SGPP2: variants seen among roughly 807,000 people sequenced by gnomAD.
SGPP2 encodes the protein sphingosine-1-phosphate phosphatase 2.
Under a neutral mutation model 33.9 loss-of-function variants are expected in SGPP2, and 30 were observed. The observed-to-expected ratio is 0.89, with a 90% confidence interval of 0.66 to 1.20. The LOEUF (loss-of-function observed/expected upper bound fraction) is 1.20, where lower values mean the gene tolerates loss of function less well. Ranked by LOEUF, SGPP2 falls within the 50% of genes most tolerant of loss-of-function variation. The pLI is 0.00. For synonymous variants in SGPP2, 233 were observed against 225.0 expected, an observed-to-expected ratio of 1.04 and a Z score of -0.32; for missense variants, 458 against 532.1, an observed-to-expected ratio of 0.86 and a Z score of 1.37.
At chr2:222,549,667 G>A (rs1414265699) in intron 4 of SGPP2, among the ~76,000 whole-genome samples, 1 of 152,032 alleles carries the variant, frequency 6.6e-6, no homozygotes, top group Admixed American at 6.5e-5. Context: ...AATGAAAATA[G>A]ATTAAAAAAT....
chr2:222,434,973 TATACAC>T (rs1427501226), intron 1 of SGPP2, among the ~76,000 whole-genome samples: 1 of 17,902 alleles, frequency 5.6e-5, no homozygotes, highest in East Asian at 2.1e-3. Context: ...AATGGAGATA[TATACAC>T]ACACACACAC....
chr2:222,526,964 A>G (rs1018650841), intron 4 of SGPP2, among the ~76,000 whole-genome samples: 6 of 152,250 alleles, frequency 3.9e-5, no homozygotes, highest in African/African-American at 1.2e-4. Flanking sequence ...TGTTCTGCAC[A>G]TGTATCTCGG....
In SGPP2 at chr2:222,476,263, C is replaced by A. The variant is rs1697930992; in HGVS notation, c.378+1537C>A. ...CAGGGGTCATAAATTCGAATGTTCTCAGGGGCAGGGGACAGAAATAAAGCA... is the reference window on the plus strand; with the variant it reads ...CAGGGGTCATAAATTCGAATGTTCTAAGGGGCAGGGGACAGAAATAAAGCA... On this transcript the variant is annotated intron_variant, in intron 2 of 4. Transcript: ENST00000321276. The surrounding 1 kb of genome is among the most constrained non-coding windows in gnomAD (Gnocchi z 4.3). Among the ~76,000 whole-genome samples, 2 of 152,074 alleles carry A rather than the reference C, an allele frequency of 1.3e-5. No homozygotes were observed. The highest frequency in any genetic ancestry group is 2.4e-5 in the African/African-American group (1 of 41,404).
At chr2:222,470,874 T>G (rs1242610075) in intron 1 of SGPP2, among the ~76,000 whole-genome samples, 1 of 152,206 alleles carries the variant, frequency 6.6e-6, no homozygotes, top group Non-Finnish European at 1.5e-5. Flanking sequence ...GATTGTATAT[T>G]TGTAAACAGA....
chr2:222,436,844 A>G (rs1697249301), intron 1 of SGPP2, among the ~76,000 whole-genome samples: 1 of 152,202 alleles, frequency 6.6e-6, no homozygotes, highest in African/African-American at 2.4e-5. Flanking sequence ...ACCCAACGGA[A>G]TGGTGCCATA....
chr2:222,467,644 C>T (rs576230303), intron 1 of SGPP2, among the ~76,000 whole-genome samples: 7 of 152,190 alleles, frequency 4.6e-5, no homozygotes, highest in African/African-American at 1.7e-4. Context: ...TCATTTGCTT[C>T]CTTCTAGTCA....
chr2:222,447,278 G>A (rs1697412307), intron 1 of SGPP2, among the ~76,000 whole-genome samples: 1 of 152,176 alleles, frequency 6.6e-6, no homozygotes, highest in African/African-American at 2.4e-5. Flanking sequence ...ACTTCTCACT[G>A]ACAGGACTGA....
At chr2:222,481,541 T>C (rs1192981602) in intron 2 of SGPP2, among the ~76,000 whole-genome samples, 1 of 152,228 alleles carries the variant, frequency 6.6e-6, no homozygotes. Context: ...GTATCATCAA[T>C]AGTGACCTAG....
chr2:222,481,122 G>A lies in SGPP2; in HGVS notation c.378+6396G>A, dbSNP rs377061891. Among the ~76,000 whole-genome samples, 24 of 152,314 alleles carry A rather than the reference G, an allele frequency of 1.6e-4. No homozygotes were observed. In the East Asian group the frequency reaches 3.3e-3, roughly 21 times the overall value. On this transcript the variant is annotated intron_variant, in intron 2 of 4. Coordinates refer to ENST00000321276, the MANE Select transcript of SGPP2 (RefSeq NM_152386.4). The stretch of plus-strand genomic sequence containing the variant: ...TTGGCAGGAGGGAGAGCATCAGGAA[G>A]AATAGCTAATGGATACTGGGCTTAA...
At chr2:222,468,210 C>T (rs924243617) in intron 1 of SGPP2, among the ~76,000 whole-genome samples, 4 of 151,808 alleles carry the variant, frequency 2.6e-5, no homozygotes, top group Admixed American at 2.0e-4. Flanking sequence ...AGGACTGGGG[C>T]GTGGGGCGGT....
At chr2:222,534,276 A>G (rs901529346) in intron 4 of SGPP2, among the ~76,000 whole-genome samples, 1 of 152,220 alleles carries the variant, frequency 6.6e-6, no homozygotes. Context: ...TCCCAAATAT[A>G]TTAAAACTAG....
chr2:222,499,825 C>G (rs1698339731), intron 2 of SGPP2, among the ~76,000 whole-genome samples: 1 of 152,108 alleles, frequency 6.6e-6, no homozygotes, highest in Non-Finnish European at 1.5e-5. Context: ...ATGTAAATGT[C>G]TTCATGTTTA....
chr2:222,441,193 C>T (rs1467829493), intron 1 of SGPP2, among the ~76,000 whole-genome samples: 4 of 152,326 alleles, frequency 2.6e-5, no homozygotes, highest in Middle Eastern at 3.4e-3. Flanking sequence ...GAGGCTGACT[C>T]ATGGTTCAGT....
chr2:222,540,191 A>G (rs1372319975), intron 4 of SGPP2, among the ~76,000 whole-genome samples: 2 of 152,214 alleles, frequency 1.3e-5, no homozygotes, highest in Non-Finnish European at 1.5e-5. Flanking sequence ...ACCAACTGAC[A>G]TATCTTGTGG....
At chr2:222,516,010 T>C (rs1396085456) in intron 2 of SGPP2, among the ~76,000 whole-genome samples, 1 of 152,192 alleles carries the variant, frequency 6.6e-6, no homozygotes, top group Admixed American at 6.5e-5. Flanking sequence ...ATTATGCCAC[T>C]GCACTCTAGC....
At chr2:222,519,729 A>C (rs1267799960) in intron 2 of SGPP2, among the ~76,000 whole-genome samples, 3 of 152,184 alleles carry the variant, frequency 2.0e-5, no homozygotes, top group Non-Finnish European at 4.4e-5. Context: ...TTGTGCGCTC[A>C]ATGTTTAGCT....
intron 1 of SGPP2, among the ~76,000 whole-genome samples, chr2:222,427,401 C>T (rs541743493): frequency 1.1e-4 from 16 of 152,162 alleles, no homozygotes; most frequent in East Asian, 1.9e-4. Flanking sequence ...GCTAAGACTA[C>T]GGATGCATGC....
intron 2 of SGPP2, among the ~76,000 whole-genome samples, chr2:222,491,228 G>T (rs535556382): frequency 1.5e-4 from 23 of 152,172 alleles, no homozygotes; most frequent in African/African-American, 5.5e-4. Context: ...TCAAACTCCT[G>T]AACTCAAGAA....
intron 2 of SGPP2, among the ~76,000 whole-genome samples, chr2:222,489,721 T>G (rs1457638233): frequency 2.0e-5 from 3 of 152,174 alleles, no homozygotes; most frequent in African/African-American, 7.2e-5. Context: ...ATCTCAGCAC[T>G]TTGGGAGGCC....
Sources: gnomAD v4.1 joint callset for allele counts (sites outside exome capture counted in the v4.1 genomes callset) on GRCh38, gnomAD v4.1.1 for gene constraint, Gnocchi (gnomAD v3.1) non-coding constraint, MANE v1.5 for transcripts, NCBI Gene and HGNC (gene_info 2026-07-23, HGNC 2026-07-21) for gene names.